Variants in FAM107B observed in about 807,000 individuals in gnomAD.
The protein encoded by FAM107B is protein FAM107B.
FAM107B carries 21 observed loss-of-function variants against 31.5 expected under a neutral mutation model. That is an observed-to-expected ratio of 0.67 (90% CI 0.47 to 0.96). The LOEUF is 0.96. FAM107B is among the 40% of genes least tolerant of loss of function. The pLI is 0.00. For missense variants in FAM107B, 452 were observed against 377.1 expected (o/e 1.20, Z -1.64); for synonymous variants, 157 against 141.5 (o/e 1.11, Z -0.78).
At chr10:14,576,409 C>G (rs1851466656) in intron 2 of FAM107B, among the ~76,000 whole-genome samples, 1 of 152,090 alleles carries the variant, frequency 6.6e-6, no homozygotes, top group African/African-American at 2.4e-5. Context: ...CACCTGTCAT[C>G]CCAGCTATTC....
intron 2 of FAM107B, among the ~76,000 whole-genome samples, chr10:14,544,022 G>C (rs968728272): frequency 2.0e-5 from 3 of 152,122 alleles, no homozygotes; most frequent in Non-Finnish European, 2.9e-5. Context: ...TAAGTTTTTA[G>C]GTACAGATGC....
intron 1 of FAM107B, among the ~76,000 whole-genome samples, chr10:14,735,426 A>G (rs891303746): frequency 6.6e-6 from 1 of 152,114 alleles, no homozygotes; most frequent in Non-Finnish European, 1.5e-5. Flanking sequence ...TGTTGGAGCT[A>G]TTTTGGGGTG....
chr10:14,688,434 A>G (rs527978675), intron 1 of FAM107B, among the ~76,000 whole-genome samples: 2 of 152,152 alleles, frequency 1.3e-5, no homozygotes, highest in Non-Finnish European at 2.9e-5. Context: ...AACTGTGACT[A>G]ATACACACAC....
chr10:14,721,381 A>T (rs868149509), intron 1 of FAM107B, among the ~76,000 whole-genome samples: 11 of 152,236 alleles, frequency 7.2e-5, no homozygotes, highest in Non-Finnish European at 1.6e-4. Flanking sequence ...TGGCTGGGTC[A>T]AATGGTATTT....
intron 2 of FAM107B, among the ~76,000 whole-genome samples, chr10:14,577,595 T>G (rs1310010318): frequency 3.9e-5 from 6 of 152,256 alleles, no homozygotes; most frequent in African/African-American, 1.2e-4. Context: ...CCCCTGATTT[T>G]CAGGTTGAGA....
At chr10:14,609,064 G>T (rs903350847) in intron 2 of FAM107B, among the ~76,000 whole-genome samples, 8 of 152,190 alleles carry the variant, frequency 5.3e-5, no homozygotes, top group Admixed American at 3.3e-4. Flanking sequence ...ATAGGTCAAA[G>T]AAAATAGTTA....
chr10:14,600,061 C>G (rs1852333790), intron 2 of FAM107B, among the ~76,000 whole-genome samples: 1 of 152,148 alleles, frequency 6.6e-6, no homozygotes, highest in Non-Finnish European at 1.5e-5. Context: ...TACAGCTCAT[C>G]TGAGTCCGAA....
intron 2 of FAM107B, among the ~76,000 whole-genome samples, chr10:14,634,866 G>A (rs1853457014): frequency 6.6e-6 from 1 of 152,116 alleles, no homozygotes; most frequent in African/African-American, 2.4e-5. Context: ...GAGGCAGGCA[G>A]ATCACTTGTG....
intron 1 of FAM107B, among the ~76,000 whole-genome samples, chr10:14,740,184 G>T (rs974190929): frequency 2.6e-5 from 4 of 152,226 alleles, no homozygotes; most frequent in African/African-American, 9.6e-5. Flanking sequence ...ATTCATATTC[G>T]CCAAAACTTG....
At position 14,774,276 on chromosome 10, in the gene FAM107B, G is replaced by C; in HGVS notation, c.388C>G (p.Pro130Ala). Residue 130 changes from proline to alanine, a missense_variant, in exon 1 of 5, where the codon CCA becomes GCA. Transcript: ENST00000181796. ...AVVFHASIPR[P>A]SIIDTPKEEE... ...ACCTTGGGCGTGTCAATAATTGATGGTCTGGGGATGGAAGCGTGAAACACC... is the reference window on the plus strand; with the variant it reads ...ACCTTGGGCGTGTCAATAATTGATGCTCTGGGGATGGAAGCGTGAAACACC... 4.3e-6 allele frequency: 7 copies of C among 1,612,708 alleles called. No individual in the cohort carries two copies. Among genetic ancestry groups the C allele is most frequent in the Non-Finnish European group, 5.9e-6 (7 of 1,179,016 alleles).
intron 2 of FAM107B, among the ~76,000 whole-genome samples, chr10:14,585,962 C>A (rs978577901): frequency 2.6e-5 from 4 of 152,174 alleles, no homozygotes; most frequent in Admixed American, 6.6e-5. Flanking sequence ...TACAAGGCAC[C>A]CTCAGGGGGT....
chr10:14,571,268 T>C (rs1197007843), intron 2 of FAM107B, among the ~76,000 whole-genome samples: 1 of 152,156 alleles, frequency 6.6e-6, no homozygotes, highest in East Asian at 1.9e-4. Context: ...TTTCAACATA[T>C]GCATTTTTGG....
chr10:14,587,784 C>T (rs531740654), intron 2 of FAM107B, among the ~76,000 whole-genome samples: 3 of 152,188 alleles, frequency 2.0e-5, no homozygotes, highest in East Asian at 1.9e-4. Context: ...TTCGAAGCTA[C>T]GGGAGGAGAG....
At chr10:14,608,394 A>G (rs1852644947) in intron 2 of FAM107B, among the ~76,000 whole-genome samples, 1 of 152,232 alleles carries the variant, frequency 6.6e-6, no homozygotes, top group Non-Finnish European at 1.5e-5. Flanking sequence ...CTTAAAATAA[A>G]AACACATGCT....
Position 14,774,511 on chromosome 10 carries a change from G to T in FAM107B, c.153C>A (p.Thr51=), listed in dbSNP as rs746804750. The part of the protein sequence containing the change: ...NQSGVADTHS[T]VRVQPVAKAG... ...CTTTGGCCACAGGCTGCACACGGAC[G>T]GTGGAATGAGTATCAGCCACGCCGG... Residue 51 remains threonine, a synonymous_variant, in exon 1 of 5, where the codon ACC becomes ACA. Coordinates refer to ENST00000181796, the MANE Select transcript of FAM107B (RefSeq NM_031453.4). The T allele has an allele frequency of 6.2e-7, 1 of 1,614,174 alleles. No homozygotes were observed.
intron 1 of FAM107B, among the ~76,000 whole-genome samples, chr10:14,721,959 T>C (rs142369560): frequency 0.013 from 2,053 of 152,340 alleles, 52 homozygotes; most frequent in African/African-American, 0.047. Flanking sequence ...GGTTTTCTTC[T>C]AGGGTTTTTA....
In FAM107B at chr10:14,520,980, C is replaced by T. The variant is rs896357707; in HGVS notation, c.*210G>A. The stretch of plus-strand genomic sequence containing the variant: ...CAGGTCCATCATTCCAACTTACGTG[C>T]GGGGCACTGCCCTTCATTTGGCGAA... On this transcript the variant is annotated 3_prime_UTR_variant, in exon 5 of 5. Coordinates refer to ENST00000181796, the MANE Select transcript of FAM107B (RefSeq NM_031453.4). 8.1e-6 allele frequency: 4 copies of T among 492,988 alleles called. No individual in the cohort carries two copies. Among genetic ancestry groups the T allele is most frequent in the South Asian group, 3.4e-5 (1 of 29,082 alleles). The allele number at this position is 492,988 out of a possible 1,614,324, so 30.5% of individuals were successfully genotyped here. A position where few individuals can be genotyped will look rare whatever the true frequency, so the allele number is the denominator to read the frequency against.
At chr10:14,737,819 T>C (rs1856342647) in intron 1 of FAM107B, among the ~76,000 whole-genome samples, 1 of 149,974 alleles carries the variant, frequency 6.7e-6, no homozygotes, top group African/African-American at 2.5e-5. Flanking sequence ...GCTAAACTTG[T>C]ACCAGCCACA....
chr10:14,530,143 TG>T, intron 3 of FAM107B, 188 bp downstream of exon 3: 1 of 611,580 alleles, frequency 1.6e-6, no homozygotes, highest in Non-Finnish European at 2.8e-6. Context: ...ACCACAGTGA[TG>T]GCCACCTGCA....
Sources: allele counts gnomAD v4.1 joint callset (sites outside exome capture counted in the v4.1 genomes callset), GRCh38; gene constraint gnomAD v4.1.1; transcripts MANE v1.5; gene names NCBI Gene and HGNC (gene_info 2026-07-23, HGNC 2026-07-21).